MBNL2: variants seen among roughly 807,000 people sequenced by gnomAD.
MBNL2 encodes muscleblind-like protein 2.
Under a neutral mutation model 41.9 loss-of-function variants are expected in MBNL2, and 17 were observed. The ratio of observed to expected loss-of-function variants is 0.41; its 90% CI spans 0.28 to 0.61. The LOEUF is 0.61. MBNL2 is among the 20% of genes least tolerant of loss of function. The pLI is 0.35. For synonymous variants in MBNL2, 195 were observed against 182.9 expected (o/e 1.07, Z -0.53); for missense variants, 336 against 505.6 (o/e 0.66, Z 3.22).
chr13:97,276,491 G>GT, intron 2 of MBNL2, 82 bp downstream of exon 2: 1 of 1,322,488 alleles, frequency 7.6e-7, no homozygotes, highest in East Asian at 2.3e-5. Flanking sequence ...TTTTACAGAA[G>GT]TTTAAAAATT....
chr13:97,267,154 A>G (rs1307483490), intron 1 of MBNL2, among the ~76,000 whole-genome samples: 3 of 152,222 alleles, frequency 2.0e-5, no homozygotes, highest in Admixed American at 1.3e-4. Flanking sequence ...CCACAGCCCC[A>G]GCTTGTCTGA....
intron 1 of MBNL2, among the ~76,000 whole-genome samples, chr13:97,270,665 T>C (rs1465006923): frequency 1.3e-5 from 2 of 152,242 alleles, no homozygotes; most frequent in African/African-American, 4.8e-5. Flanking sequence ...TGGTGATTTC[T>C]GCCTTGAACA....
chr13:97,287,939 G>GC (rs536589748), intron 2 of MBNL2, among the ~76,000 whole-genome samples: 46 of 114,060 alleles, frequency 4.0e-4, no homozygotes, highest in Admixed American at 2.8e-3. Context: ...GTTTTGTTTT[G>GC]TTTTTTTTTT....
intron 1 of MBNL2, among the ~76,000 whole-genome samples, chr13:97,264,170 G>T (rs1305164716): frequency 6.6e-6 from 1 of 151,816 alleles, no homozygotes; most frequent in African/African-American, 2.4e-5. Flanking sequence ...TGGGACTACA[G>T]GTTCCCGCCA....
At chr13:97,300,489 G>A (rs114168767) in intron 2 of MBNL2, among the ~76,000 whole-genome samples, 9 of 152,180 alleles carry the variant, frequency 5.9e-5, no homozygotes, top group East Asian at 5.8e-4. Flanking sequence ...CCCCACATGC[G>A]CAGTTCACAA....
At chr13:97,170,658 G>A in the MBNL2 span, among the ~76,000 whole-genome samples, 1 of 152,014 alleles carries the variant, frequency 6.6e-6, no homozygotes, top group African/African-American at 2.4e-5. Flanking sequence ...GCCACTGGTT[G>A]GTGGATCCAG....
chr13:97,166,801 TAGATAG>T, the MBNL2 span, among the ~76,000 whole-genome samples: 1 of 149,066 alleles, frequency 6.7e-6, no homozygotes, highest in East Asian at 2.0e-4. Flanking sequence ...GATAGATAGA[TAGATAG>T]ATAGATAGAT....
intron 2 of MBNL2, among the ~76,000 whole-genome samples, chr13:97,292,065 A>G (rs1305177576): frequency 2.0e-5 from 3 of 146,958 alleles, no homozygotes; most frequent in East Asian, 2.0e-4. Context: ...GCCGGGTGTG[A>G]TGGCGGGCGC....
At chr13:97,345,568 T>C (rs1382617670) in intron 4 of MBNL2, among the ~76,000 whole-genome samples, 1 of 152,238 alleles carries the variant, frequency 6.6e-6, no homozygotes, top group Non-Finnish European at 1.5e-5. Flanking sequence ...TTTTTCTTTC[T>C]CTATATCTCT....
At chr13:97,297,783 C>T (rs2057212511) in intron 2 of MBNL2, among the ~76,000 whole-genome samples, 1 of 152,182 alleles carries the variant, frequency 6.6e-6, no homozygotes, top group Non-Finnish European at 1.5e-5. Flanking sequence ...CTCCCAGTTT[C>T]AAGAGGTCTG....
intron 1 of MBNL2, among the ~76,000 whole-genome samples, chr13:97,245,125 A>G (rs12858020): frequency 0.48 from 73,544 of 152,096 alleles, 21,005 homozygotes; most frequent in Non-Finnish European, 0.62. Flanking sequence ...GATTAGGTTA[A>G]GACTTAATTT....
At chr13:97,228,392 A>T (rs527258802) in intron 1 of MBNL2, among the ~76,000 whole-genome samples, 153 of 152,324 alleles carry the variant, frequency 1.0e-3, no homozygotes, top group African/African-American at 3.6e-3. Context: ...AGGTGGAGGT[A>T]GGAGATTAAT....
At chr13:97,284,362 A>G (rs1365102190) in intron 2 of MBNL2, among the ~76,000 whole-genome samples, 2 of 152,192 alleles carry the variant, frequency 1.3e-5, no homozygotes, top group African/African-American at 2.4e-5. Flanking sequence ...TCCTTGGCTC[A>G]TGGCAGCATC....
At chr13:97,322,546 T>A (rs1206823920) in intron 2 of MBNL2, among the ~76,000 whole-genome samples, 2 of 152,192 alleles carry the variant, frequency 1.3e-5, no homozygotes, top group African/African-American at 4.8e-5. Context: ...AACCATGGGT[T>A]TATCAGAACT....
chr13:97,278,070 A>G (rs1232996077), intron 2 of MBNL2, among the ~76,000 whole-genome samples: 3 of 152,020 alleles, frequency 2.0e-5, no homozygotes, highest in African/African-American at 7.3e-5. Context: ...CCTGGCCAGC[A>G]TGGTGAAACC....
chr13:97,159,017 A>ATTAT, the MBNL2 span, among the ~76,000 whole-genome samples: 1 of 149,864 alleles, frequency 6.7e-6, no homozygotes, highest in Non-Finnish European at 1.5e-5. Context: ...CCCATTATTA[A>ATTAT]TGTGTGGGAG....
At chr13:97,373,631 G>A (rs903351245) in intron 8 of MBNL2, among the ~76,000 whole-genome samples, 1 of 124,828 alleles carries the variant, frequency 8.0e-6, no homozygotes, top group Non-Finnish European at 1.8e-5. Context: ...TATATTAAGG[G>A]TAGGAGGAGG....
intron 2 of MBNL2, among the ~76,000 whole-genome samples, chr13:97,319,548 G>A (rs745796018): frequency 1.3e-5 from 2 of 152,092 alleles, no homozygotes; most frequent in East Asian, 1.9e-4. Flanking sequence ...CCCGTGTCAC[G>A]GGTGAGACTC....
At chr13:97,390,639 G>C (rs1333983529) in intron 8 of MBNL2, among the ~76,000 whole-genome samples, 1 of 152,082 alleles carries the variant, frequency 6.6e-6, no homozygotes, top group Admixed American at 6.6e-5. Flanking sequence ...CAGACTCAAG[G>C]GACCACAGCT....
Sources: allele counts gnomAD v4.1 joint callset (sites outside exome capture counted in the v4.1 genomes callset), GRCh38; gene constraint gnomAD v4.1.1; transcripts MANE v1.5; gene names NCBI Gene and HGNC (gene_info 2026-07-23, HGNC 2026-07-21).